Variants in EPHA5 observed in about 807,000 individuals in gnomAD.
EPHA5 encodes the protein EPH receptor A5, also known as ephrin type-A receptor 5.
Under a neutral mutation model 105.0 loss-of-function variants are expected in EPHA5, and 60 were observed. The ratio of observed to expected loss-of-function variants is 0.57; its 90% CI spans 0.46 to 0.71. EPHA5 has a LOEUF of 0.71. Ranked by LOEUF, EPHA5 falls within the 30% of genes least tolerant of loss-of-function variation. The probability of loss-of-function intolerance (pLI) is 0.00; values close to 1 mark genes in which losing one functional copy is unlikely to be tolerated. For synonymous variants in EPHA5, 513 were observed against 449.1 expected (o/e 1.14, Z -1.80); for missense variants, 1,218 against 1,274.7 (o/e 0.96, Z 0.68).
chr4:65,515,487 C>G lies in EPHA5; in HGVS notation c.911-19944G>C, dbSNP rs542311970. ...CAATCTATTAAGAAGATACATGACT[C>G]CTCTATTTTATTTCTCTCAACAATA... On this transcript the variant is annotated intron_variant, in intron 3 of 16. Transcript: ENST00000613740. 5.3e-5 allele frequency among the ~76,000 whole-genome samples: 8 copies of G among 152,132 alleles called. No homozygotes were observed. The South Asian group carries it at 1.7e-3, about 32-fold the overall frequency.
chr4:65,521,943 T>G (rs1734769744), intron 3 of EPHA5, among the ~76,000 whole-genome samples: 1 of 152,024 alleles, frequency 6.6e-6, no homozygotes, highest in South Asian at 2.1e-4. Flanking sequence ...CCTGATTTGT[T>G]AAGCTTTGAT....
At chr4:65,391,742 T>G (rs951264309) in intron 8 of EPHA5, among the ~76,000 whole-genome samples, 2 of 152,136 alleles carry the variant, frequency 1.3e-5, no homozygotes, top group African/African-American at 4.8e-5. Flanking sequence ...AGGGATCACA[T>G]TCTTAGAGAA....
intron 5 of EPHA5, among the ~76,000 whole-genome samples, chr4:65,424,951 T>A (rs530157261): frequency 6.3e-4 from 96 of 152,172 alleles, no homozygotes; most frequent in Non-Finnish European, 1.0e-3. Context: ...TCAAATGGAA[T>A]AAGAAAATAC....
chr4:65,550,300 T>C (rs1438777836), intron 3 of EPHA5, among the ~76,000 whole-genome samples: 1 of 152,136 alleles, frequency 6.6e-6, no homozygotes, highest in African/African-American at 2.4e-5. Flanking sequence ...CTCTTGATTC[T>C]AGTTATTAAA....
At chr4:65,345,649 C>G (rs1357804377) in intron 14 of EPHA5, among the ~76,000 whole-genome samples, 1 of 152,248 alleles carries the variant, frequency 6.6e-6, no homozygotes, top group Non-Finnish European at 1.5e-5. Context: ...AGGGCTTCAT[C>G]AAGGGTCTTT....
At chr4:65,656,136 A>T (rs1463332452) in intron 1 of EPHA5, among the ~76,000 whole-genome samples, 1 of 134,734 alleles carries the variant, frequency 7.4e-6, no homozygotes, top group Admixed American at 7.3e-5. Context: ...CTGCTTAAAA[A>T]AAAAAAAAAA....
chr4:65,357,521 A>G (rs558609646), intron 11 of EPHA5, among the ~76,000 whole-genome samples: 35 of 151,630 alleles, frequency 2.3e-4, no homozygotes, highest in African/African-American at 8.4e-4. Context: ...CCTTTTCTCA[A>G]TAAATATTCT....
intron 3 of EPHA5, among the ~76,000 whole-genome samples, chr4:65,598,859 T>C (rs1470568303): frequency 1.3e-5 from 2 of 151,924 alleles, no homozygotes; most frequent in Admixed American, 1.3e-4. Flanking sequence ...GAAAGCAAAA[T>C]TTAAGATGAG....
intron 8 of EPHA5, among the ~76,000 whole-genome samples, chr4:65,376,213 C>T (rs1482212044): frequency 6.6e-6 from 1 of 151,940 alleles, no homozygotes; most frequent in Admixed American, 6.6e-5. Context: ...CTTTTCTTGG[C>T]AAATTCTGAC....
At chr4:65,509,890 A>C (rs1468820639) in intron 3 of EPHA5, among the ~76,000 whole-genome samples, 1 of 152,174 alleles carries the variant, frequency 6.6e-6, no homozygotes, top group East Asian at 1.9e-4. Context: ...ATATGCCTAA[A>C]TTCTTAAAAG....
At position 65,490,633 on chromosome 4, in the gene EPHA5, G is replaced by A. The variant is rs1731314236; in HGVS notation, c.1146C>T (p.Asp382=). The change falls in exon 5 of 17, where the codon GAC becomes GAT. Residue 382 remains aspartate (D), a synonymous_variant. Transcript: ENST00000613740. ...ATGACACGTCTTTCCTTCCACCAGT[G>A]TCAGCAGGCGGAATCCATTCCAGAA... ...SVFLEWIPPA[D]TGGRKDVSYY... 1 of 1,614,134 alleles carries A rather than the reference G, an allele frequency of 6.2e-7. No individual in the cohort carries two copies. The highest frequency in any genetic ancestry group is 8.5e-7 in the Non-Finnish European group (1 of 1,180,026).
chr4:65,351,137 G>T (rs1297962136), intron 13 of EPHA5, among the ~76,000 whole-genome samples: 1 of 149,686 alleles, frequency 6.7e-6, no homozygotes, highest in Non-Finnish European at 1.5e-5. Flanking sequence ...TCTGAAGTAA[G>T]ATTTTTTATT....
rs1220216580 is a variant in EPHA5, at chr4:65,320,652, T to C, written c.*3462A>G. ...ATGGCATAAATAATGGTGTTAAAAATATTTTACTTTCACATACAGATTAAG... is the reference window on the plus strand; with the variant it reads ...ATGGCATAAATAATGGTGTTAAAAACATTTTACTTTCACATACAGATTAAG... On this transcript the variant is annotated 3_prime_UTR_variant, in exon 17 of 17. Coordinates refer to ENST00000613740, the MANE Select transcript of EPHA5 (RefSeq NM_001281766.3). 2 of 229,892 alleles carry C rather than the reference T, an allele frequency of 8.7e-6. No homozygotes were observed. The highest frequency in any genetic ancestry group is 1.7e-5 in the Non-Finnish European group (2 of 115,940). The allele number at this position is 229,892 out of a possible 1,614,324, so 14.2% of individuals were successfully genotyped here.
chr4:65,383,617 G>A (rs981008369), intron 8 of EPHA5, among the ~76,000 whole-genome samples: 16 of 151,904 alleles, frequency 1.1e-4, no homozygotes, highest in African/African-American at 3.4e-4. Flanking sequence ...GGATTTTATT[G>A]AGCTCACTCT....
At chr4:65,447,384 G>T (rs566620403) in intron 5 of EPHA5, among the ~76,000 whole-genome samples, 2 of 151,794 alleles carry the variant, frequency 1.3e-5, no homozygotes, top group African/African-American at 2.4e-5. Context: ...CAAAATTATT[G>T]CTCCTTTTGT....
intron 1 of EPHA5, among the ~76,000 whole-genome samples, chr4:65,660,418 C>T (rs1474312745): frequency 6.6e-6 from 1 of 152,028 alleles, no homozygotes; most frequent in African/African-American, 2.4e-5. Context: ...TTTTCCAAGC[C>T]TAGATTCCTT....
intron 5 of EPHA5, among the ~76,000 whole-genome samples, chr4:65,457,898 C>A (rs1001896512): frequency 6.6e-6 from 1 of 151,450 alleles, no homozygotes; most frequent in Non-Finnish European, 1.5e-5. Flanking sequence ...CAGGGTGAAA[C>A]CCCGTCTCCA....
intron 8 of EPHA5, among the ~76,000 whole-genome samples, chr4:65,404,070 T>G (rs559060618): frequency 4.6e-5 from 7 of 152,266 alleles, no homozygotes; most frequent in Admixed American, 1.3e-4. Context: ...TTTTGAGAGA[T>G]AAAAAATTTT....
chr4:65,423,040 T>A (rs1724083862), intron 5 of EPHA5, among the ~76,000 whole-genome samples: 2 of 152,020 alleles, frequency 1.3e-5, no homozygotes, highest in Admixed American at 1.3e-4. Context: ...CATTTAGTCA[T>A]CATGTTTTCT....
Sources: gnomAD v4.1 joint callset for allele counts (sites outside exome capture counted in the v4.1 genomes callset) on GRCh38, gnomAD v4.1.1 for gene constraint, MANE v1.5 for transcripts, NCBI Gene and HGNC (gene_info 2026-07-23, HGNC 2026-07-21) for gene names.